Variants in ROBO2 observed in about 807,000 individuals in gnomAD.
ROBO2 encodes the protein roundabout homolog 2.
A neutral mutation model predicts 160.8 loss-of-function variants in ROBO2; 53 were observed. The ratio of observed to expected loss-of-function variants is 0.33; its 90% CI spans 0.26 to 0.41. The LOEUF is 0.41. Among genes scored for constraint, ROBO2 ranks in the 10% least tolerant of loss-of-function variants. The pLI is 1.00. For missense variants in ROBO2, 1,577 were observed against 1,722.4 expected (o/e 0.92, Z 1.49); for synonymous variants, 664 against 611.7 (o/e 1.09, Z -1.26).
At chr3:76,892,111 C>A (rs892812773) in intron 2 of ROBO2, among the ~76,000 whole-genome samples, 2 of 150,816 alleles carry the variant, frequency 1.3e-5, no homozygotes, top group South Asian at 4.1e-4. Context: ...GACAATAACA[C>A]TGCAAATACT....
chr3:77,333,773 G>C (rs1218853949), intron 2 of ROBO2, among the ~76,000 whole-genome samples: 2 of 152,142 alleles, frequency 1.3e-5, no homozygotes, highest in African/African-American at 4.8e-5. Context: ...ATCACATTAT[G>C]TTATTTAGAG....
intron 2 of ROBO2, among the ~76,000 whole-genome samples, chr3:77,277,214 T>TC (rs2059933633): frequency 8.3e-6 from 1 of 120,074 alleles, no homozygotes; most frequent in Non-Finnish European, 1.9e-5. Flanking sequence ...CTTTCTTTCT[T>TC]CTTTCTTTCT....
chr3:76,343,280 A>G (rs1274042355), intron 2 of ROBO2, among the ~76,000 whole-genome samples: 1 of 152,112 alleles, frequency 6.6e-6, no homozygotes, highest in African/African-American at 2.4e-5. Context: ...CTGTGTTGTA[A>G]GCATAATTCT....
chr3:77,645,914 A>G, intron 25 of ROBO2, 140 bp from the exon 28 acceptor site: 1 of 548,184 alleles, frequency 1.8e-6, no homozygotes, highest in South Asian at 3.3e-5. Flanking sequence ...CCTTCAAGTA[A>G]AATTACTTAA....
At chr3:77,566,059 A>G (rs1204926246) in intron 12 of ROBO2, among the ~76,000 whole-genome samples, 1 of 152,162 alleles carries the variant, frequency 6.6e-6, no homozygotes. Context: ...TGAACAAGAT[A>G]TAATTCAAAG....
Position 76,624,891 on chromosome 3 carries a change from C to G in ROBO2, c.110-473123C>G, listed in dbSNP as rs1331407621. Among the ~76,000 whole-genome samples, 16 of 142,904 alleles carry G rather than the reference C, an allele frequency of 1.1e-4. No homozygotes were observed. In the Admixed American group the frequency reaches 1.1e-3, roughly 10 times the overall value. 93.8% of individuals were successfully genotyped at this position (142,904 alleles called of 152,430 possible). On this transcript the variant is annotated intron_variant, in intron 2 of 26. Transcript: ENST00000487694. ...AAAATGAATTTTGAAAAATACTTGT[C>G]TACTAGTCCAACCACCAAGATGACT...
At chr3:76,941,651 T>C (rs1257813533) in intron 2 of ROBO2, among the ~76,000 whole-genome samples, 1 of 152,196 alleles carries the variant, frequency 6.6e-6, no homozygotes, top group Non-Finnish European at 1.5e-5. Flanking sequence ...TTACAGTCTG[T>C]GTAGTAGATA....
At chr3:76,094,920 A>G (rs1439184208) in intron 2 of ROBO2, among the ~76,000 whole-genome samples, 1 of 152,204 alleles carries the variant, frequency 6.6e-6, no homozygotes, top group Admixed American at 6.5e-5. Flanking sequence ...GATAGATGAG[A>G]TGGGACAACT....
intron 2 of ROBO2, among the ~76,000 whole-genome samples, chr3:77,443,576 C>G (rs1471520841): frequency 6.6e-6 from 1 of 152,026 alleles, no homozygotes; most frequent in Non-Finnish European, 1.5e-5. Flanking sequence ...TAGAGGTAGA[C>G]AATTCTACTA....
chr3:77,099,448 G>GAATC (rs1284037538), intron 2 of ROBO2, among the ~76,000 whole-genome samples: 1 of 152,174 alleles, frequency 6.6e-6, no homozygotes, highest in East Asian at 1.9e-4. Context: ...AAGACTAGGA[G>GAATC]AATCCTAAGA....
At chr3:76,724,622 T>C (rs1013401684) in intron 2 of ROBO2, among the ~76,000 whole-genome samples, 3 of 152,156 alleles carry the variant, frequency 2.0e-5, no homozygotes, top group African/African-American at 7.2e-5. Context: ...CAGACCCCAA[T>C]ATCTATTTGT....
chr3:76,254,735 CAGAG>C lies in ROBO2; in HGVS notation c.109+317151_109+317154del, dbSNP rs36108761. Among the ~76,000 whole-genome samples, 84 of 148,582 alleles carry C rather than the reference CAGAG, an allele frequency of 5.7e-4. 1 individual carries two copies. Among genetic ancestry groups the C allele is most frequent in the African/African-American group, 1.7e-3 (71 of 40,602 alleles). On this transcript the variant is annotated intron_variant, in intron 2 of 26. Coordinates refer to the ROBO2 transcript ENST00000487694. ...TTTTATAGACCTAAATACTCTCTCT[CAGAG>C]AGAGAGAGAGAGAGAGAACAAATAA...
chr3:76,977,649 C>G (rs114448802), intron 2 of ROBO2, among the ~76,000 whole-genome samples: 6,002 of 152,164 alleles, frequency 0.039, 413 homozygotes, highest in African/African-American at 0.14. Context: ...CATTATTAAA[C>G]TTCTGATAAG....
At chr3:77,240,459 G>T (rs1009589567) in intron 2 of ROBO2, among the ~76,000 whole-genome samples, 1 of 152,110 alleles carries the variant, frequency 6.6e-6, no homozygotes, top group Non-Finnish European at 1.5e-5. Flanking sequence ...TCCTGCCCGC[G>T]CCTCTCCCTC....
chr3:76,103,818 AT>A (rs2069805368), intron 2 of ROBO2, among the ~76,000 whole-genome samples: 1 of 152,028 alleles, frequency 6.6e-6, no homozygotes, highest in African/African-American at 2.4e-5. Context: ...GGTGAAGTCA[AT>A]TTGTCCCTTT....
chr3:76,407,704 TA>T (rs199600002), intron 2 of ROBO2, among the ~76,000 whole-genome samples: 25 of 152,092 alleles, frequency 1.6e-4, no homozygotes, highest in African/African-American at 2.7e-4. Context: ...TATGTTTAAT[TA>T]TTTTTTTCTT....
At chr3:77,418,529 T>C (rs2153529723) in intron 2 of ROBO2, among the ~76,000 whole-genome samples, 1 of 152,234 alleles carries the variant, frequency 6.6e-6, no homozygotes, top group Middle Eastern at 3.4e-3. Context: ...TTTTCTTTCT[T>C]TTTCCCTTGG....
chr3:77,369,631 G>A (rs1054566575), intron 2 of ROBO2, among the ~76,000 whole-genome samples: 2 of 152,074 alleles, frequency 1.3e-5, no homozygotes, highest in Non-Finnish European at 2.9e-5. Flanking sequence ...GAGAAATAAG[G>A]GGATAATTTG....
intron 1 of ROBO2, among the ~76,000 whole-genome samples, chr3:75,912,024 ATAT>A (rs1343673854): frequency 6.6e-6 from 1 of 152,220 alleles, no homozygotes; most frequent in Non-Finnish European, 1.5e-5. Context: ...GATATCCCAC[ATAT>A]TATGTCCAAG....
Sources: gnomAD v4.1 joint callset for allele counts (sites outside exome capture counted in the v4.1 genomes callset) on GRCh38, gnomAD v4.1.1 for gene constraint, MANE v1.5 for transcripts, NCBI Gene and HGNC (gene_info 2026-07-23, HGNC 2026-07-21) for gene names.